Variants in PARG observed in about 807,000 individuals in gnomAD.
PARG encodes poly(ADP-ribose) glycohydrolase, also known as mitochondrial poly(ADP-ribose) glycohydrolase.
In PARG, 35 loss-of-function variants were observed where a neutral mutation model predicts 113.0. That is an observed-to-expected ratio of 0.31 (90% CI 0.24 to 0.41). The LOEUF (loss-of-function observed/expected upper bound fraction) is 0.41, where lower values mean the gene tolerates loss of function less well. Ranked by LOEUF, PARG falls within the 10% of genes least tolerant of loss-of-function variation. PARG has a pLI of 1.00. For synonymous variants in PARG, 330 were observed against 409.9 expected (o/e 0.81, Z 2.36); for missense variants, 797 against 1,169.4 (o/e 0.68, Z 4.64).
At chr10:49,848,916 T>A (rs1253361254) in intron 13 of PARG, among the ~76,000 whole-genome samples, 2 of 151,532 alleles carry the variant, frequency 1.3e-5, no homozygotes, top group Non-Finnish European at 2.9e-5. Flanking sequence ...GAGACATACA[T>A]CCTAGACATG....
At chr10:49,905,219 G>T (rs1432304770) in intron 7 of PARG, among the ~76,000 whole-genome samples, 58 of 152,294 alleles carry the variant, frequency 3.8e-4, no homozygotes, top group Middle Eastern at 3.5e-3. Flanking sequence ...TCTCCGAGAG[G>T]TATTAAGTAG....
intron 13 of PARG, among the ~76,000 whole-genome samples, chr10:49,847,156 C>A (rs2664642): frequency 1.4e-5 from 2 of 141,214 alleles, no homozygotes; most frequent in Non-Finnish European, 3.1e-5. Context: ...AAGGGAAAAT[C>A]CTTCCTTATA....
At chr10:49,844,537 C>T (rs1048337589) in intron 13 of PARG, among the ~76,000 whole-genome samples, 10 of 149,954 alleles carry the variant, frequency 6.7e-5, no homozygotes, top group Admixed American at 2.7e-4. Context: ...GCAGGAGAAT[C>T]GCTTGAACCT....
chr10:49,842,031 C>T lies in PARG; in HGVS notation c.2460G>A (p.Glu820=), dbSNP rs1554832443. The T allele has an allele frequency of 6.5e-7, 1 of 1,550,160 alleles. No homozygotes were observed. Among genetic ancestry groups the T allele is most frequent in the African/African-American group, 1.4e-5 (1 of 73,016 alleles). Reference sequence around the variant, plus strand: ...AGTGAAGAGCATCGATGGCAACGATCTCAGTGCAGCGCCGCTGCCAGTCGT... The same window carrying T: ...AGTGAAGAGCATCGATGGCAACGATTTCAGTGCAGCGCCGCTGCCAGTCGT... The part of the protein sequence containing the change: ...ERDDWQRRCT[E]IVAIDALHFR... The change falls in exon 15 of 18, where the codon GAG becomes GAA. Residue 820 remains glutamate, a synonymous_variant. Transcript: ENST00000616448.
At chr10:49,903,084 C>T (rs1344062428) in intron 7 of PARG, among the ~76,000 whole-genome samples, 4 of 151,736 alleles carry the variant, frequency 2.6e-5, no homozygotes, top group Non-Finnish European at 4.4e-5. Flanking sequence ...CTCAGCCTCC[C>T]GAAGTGCTGG....
At chr10:49,934,782 G>C (rs1175502511) in intron 2 of PARG, among the ~76,000 whole-genome samples, 1 of 151,840 alleles carries the variant, frequency 6.6e-6, no homozygotes, top group African/African-American at 2.4e-5. Context: ...CCAGGAGGCA[G>C]AGCTTGCAGT....
intron 7 of PARG, among the ~76,000 whole-genome samples, chr10:49,913,377 A>G (rs1837303202): frequency 6.6e-6 from 1 of 152,248 alleles, no homozygotes. Context: ...GGATGAGCAG[A>G]CAATTTATCA....
At chr10:49,896,534 C>T (rs1409069194) in intron 7 of PARG, among the ~76,000 whole-genome samples, 5 of 152,292 alleles carry the variant, frequency 3.3e-5, no homozygotes, top group Admixed American at 6.5e-5. Context: ...ATCCACCCGC[C>T]TTGGCCTCCC....
At chr10:49,837,089 T>C (rs1182577568) in intron 15 of PARG, among the ~76,000 whole-genome samples, 1 of 152,162 alleles carries the variant, frequency 6.6e-6, no homozygotes, top group East Asian at 1.9e-4. Context: ...TGCTTCACAG[T>C]ATGAGTTAGA....
At chr10:49,882,281 C>T (rs1847253046) in intron 8 of PARG, among the ~76,000 whole-genome samples, 1 of 150,556 alleles carries the variant, frequency 6.6e-6, no homozygotes, top group African/African-American at 2.4e-5. Context: ...AAGTTCCTGA[C>T]CAAATTTGTT....
chr10:49,887,385 A>G (rs879952557), intron 7 of PARG, among the ~76,000 whole-genome samples: 3 of 152,158 alleles, frequency 2.0e-5, no homozygotes, highest in Non-Finnish European at 2.9e-5. Flanking sequence ...CATTTCTGTA[A>G]TCGCCACCAA....
In PARG at chr10:49,941,956, A is replaced by C; in HGVS notation, c.-231T>G. The C allele has an allele frequency of 1.1e-6, 1 of 936,400 alleles. No homozygotes were observed. Among genetic ancestry groups the C allele is most frequent in the Non-Finnish European group, 1.7e-6 (1 of 595,410 alleles). The allele number at this position is 936,400 out of a possible 1,614,324, so 58.0% of individuals were successfully genotyped here. ...CCACCTGCCTCAATGCGCCGCTTTG[A>C]TTCGGGATTCGTTCACTTTCCCACC... On this transcript the variant is annotated 5_prime_UTR_variant, in exon 1 of 18. Coordinates refer to ENST00000616448, the MANE Select transcript of PARG (RefSeq NM_003631.5).
chr10:49,940,105 A>G, intron 1 of PARG, among the ~76,000 whole-genome samples: 1 of 152,166 alleles, frequency 6.6e-6, no homozygotes, highest in East Asian at 1.9e-4. Flanking sequence ...TGTTTATGCC[A>G]CGAACTCCCC....
chr10:49,851,853 A>C (rs1554834254), intron 13 of PARG, among the ~76,000 whole-genome samples: 1 of 150,896 alleles, frequency 6.6e-6, no homozygotes, highest in East Asian at 1.9e-4. Flanking sequence ...TACTTACTGA[A>C]AGGTTTTTAA....
At chr10:49,894,135 G>A (rs1847953400) in intron 7 of PARG, among the ~76,000 whole-genome samples, 1 of 151,766 alleles carries the variant, frequency 6.6e-6, no homozygotes. Flanking sequence ...TGGCCTCCAA[G>A]AGATCCTTCC....
At chr10:49,829,938 T>G (rs1459883840) in intron 16 of PARG, among the ~76,000 whole-genome samples, 1 of 152,146 alleles carries the variant, frequency 6.6e-6, no homozygotes, top group Non-Finnish European at 1.5e-5. Context: ...TTTAGCATCA[T>G]AGTTTAGTAA....
chr10:49,912,303 A>G (rs71500302), intron 7 of PARG, among the ~76,000 whole-genome samples: 1 of 152,210 alleles, frequency 6.6e-6, no homozygotes, highest in East Asian at 1.9e-4. Flanking sequence ...CTGTCTCAAA[A>G]CAACAAAAAA....
intron 7 of PARG, among the ~76,000 whole-genome samples, chr10:49,891,875 C>G (rs1196391007): frequency 3.3e-5 from 5 of 151,458 alleles, no homozygotes; most frequent in African/African-American, 1.2e-4. Flanking sequence ...GATCCACCTA[C>G]CTCAGCCTCC....
chr10:49,912,273 C>T (rs1837231780), intron 7 of PARG, among the ~76,000 whole-genome samples: 1 of 152,070 alleles, frequency 6.6e-6, no homozygotes, highest in South Asian at 2.1e-4. Flanking sequence ...GCACTCCAGC[C>T]TGGGCAATAG....
Sources: allele counts gnomAD v4.1 joint callset (sites outside exome capture counted in the v4.1 genomes callset), GRCh38; gene constraint gnomAD v4.1.1; transcripts MANE v1.5; gene names NCBI Gene and HGNC (gene_info 2026-07-23, HGNC 2026-07-21).